Variants in IL1A observed in about 807,000 individuals in gnomAD.
IL1A encodes interleukin-1 alpha.
Under a neutral mutation model 22.2 loss-of-function variants are expected in IL1A, and 16 were observed. The ratio of observed to expected loss-of-function variants is 0.72; its 90% CI spans 0.49 to 1.09. IL1A has a LOEUF of 1.09. Ranked by LOEUF, IL1A falls within the 50% of genes least tolerant of loss-of-function variation. The pLI is 0.00. For synonymous variants in IL1A, 113 were observed against 118.5 expected (o/e 0.95, Z 0.30); for missense variants, 317 against 321.8 (o/e 0.99, Z 0.11).
rs1230482935 is a variant in IL1A, at chr2:112,775,083, A to G, written c.800T>C (p.Leu267Pro). 3 of 1,613,922 alleles carry G rather than the reference A, an allele frequency of 1.9e-6. No homozygotes were observed. Among genetic ancestry groups the G allele is most frequent in the African/African-American group, 2.7e-5 (2 of 74,938 alleles). Reference protein sequence around the residue: ...GPPSITDFQILENQA With the variant: ...GPPSITDFQIPENQA ...ACTCCAGACCTACGCCTGGTTTTCC[A>G]GTATCTGAAAGTCAGTGATAGAGGG... The change falls in exon 7 of 7, where the codon CTG becomes CCG. Residue 267 changes from leucine (L) to proline (P), a missense_variant. Leu to Pro is a moderately conservative substitution (Grantham distance 98). Transcript: ENST00000263339.
chr2:112,778,787 A>G (rs577074519), intron 5 of IL1A, among the ~76,000 whole-genome samples: 1 of 152,364 alleles, frequency 6.6e-6, no homozygotes, highest in African/African-American at 2.4e-5. Flanking sequence ...TTGCAGAAAT[A>G]ATATTAAGTA....
rs535701455 is a variant in IL1A at position 112,780,515 on chromosome 2, G to A, written c.320-849C>T. Among the ~76,000 whole-genome samples the A allele has an allele frequency of 2.6e-5, 4 of 152,338 alleles. No individual in the cohort carries two copies. The South Asian group carries it at 8.3e-4, about 32-fold the overall frequency. The stretch of plus-strand genomic sequence containing the variant: ...TTCATGTGGAGGCTTGTACAGTAAA[G>A]GGATGGAGGAGAAACCATGATTTTT... On this transcript the variant is annotated intron_variant, in intron 4 of 6. Coordinates refer to ENST00000263339, the MANE Select transcript of IL1A (RefSeq NM_000575.5).
chr2:112,776,290 C>A (rs1325390018), intron 6 of IL1A, among the ~76,000 whole-genome samples: 26 of 152,170 alleles, frequency 1.7e-4, no homozygotes. Flanking sequence ...CAAATGCAAG[C>A]TCTGCAAGCA....
chr2:112,782,960 T>A (rs1275185024), intron 2 of IL1A, among the ~76,000 whole-genome samples, 196 bp from the exon 3 acceptor site: 1 of 152,252 alleles, frequency 6.6e-6, no homozygotes, highest in Non-Finnish European at 1.5e-5. Context: ...TTAGTAGTCA[T>A]CAAGACAGGC....
chr2:112,784,104 A>G (rs1681260283), intron 1 of IL1A, among the ~76,000 whole-genome samples: 1 of 152,246 alleles, frequency 6.6e-6, no homozygotes, highest in Admixed American at 6.5e-5. Context: ...TGCCTTACAC[A>G]GAGGTAAGAG....
chr2:112,778,690 A>G (rs995890082), intron 5 of IL1A, among the ~76,000 whole-genome samples: 1 of 152,208 alleles, frequency 6.6e-6, no homozygotes, highest in Admixed American at 6.5e-5. Flanking sequence ...TTTAGAGTAA[A>G]CCCAAGGGAC....
Position 112,774,829 on chromosome 2 carries a change from T to A in IL1A, c.*238A>T, listed in dbSNP as rs1176924675. The A allele has an allele frequency of 4.9e-6, 2 of 408,080 alleles. No individual in the cohort carries two copies. The highest frequency in any genetic ancestry group is 9.0e-6 in the Non-Finnish European group (2 of 222,402). 25.3% of individuals were successfully genotyped at this position (408,080 alleles called of 1,614,324 possible). A position where few individuals can be genotyped will look rare whatever the true frequency, so the allele number is the denominator to read the frequency against. On this transcript the variant is annotated 3_prime_UTR_variant, in exon 7 of 7. Transcript: ENST00000263339. ...AGTAGCTCTGGTCCTCCTAAAATTGTTATGAAGAATAATAATTAAAATGAT... is the reference window on the plus strand; with the variant it reads ...AGTAGCTCTGGTCCTCCTAAAATTGATATGAAGAATAATAATTAAAATGAT...
At chr2:112,784,079 C>G (rs1352218110) in intron 1 of IL1A, among the ~76,000 whole-genome samples, 1 of 152,186 alleles carries the variant, frequency 6.6e-6, no homozygotes, top group East Asian at 1.9e-4. Flanking sequence ...AAAAACACCA[C>G]AAGAATAAGG....
At chr2:112,777,223 C>A (rs1027357222) in intron 6 of IL1A, among the ~76,000 whole-genome samples, 2 of 152,080 alleles carry the variant, frequency 1.3e-5, no homozygotes, top group Admixed American at 1.3e-4. Context: ...CCACTGTCCA[C>A]ACTGCTGTTG....
At chr2:112,778,466 C>T (rs567098807) in intron 5 of IL1A, among the ~76,000 whole-genome samples, 1 of 152,230 alleles carries the variant, frequency 6.6e-6, no homozygotes, top group South Asian at 2.1e-4. Context: ...TTCATAATGA[C>T]CTAACATGGA....
intron 6 of IL1A, among the ~76,000 whole-genome samples, chr2:112,777,084 CTCTA>C (rs1056608784): frequency 2.0e-5 from 3 of 150,208 alleles, no homozygotes; most frequent in Non-Finnish European, 2.9e-5. Flanking sequence ...TCCCACTTTT[CTCTA>C]TCTTAGCACC....
At chr2:112,779,762 A>C in intron 4 of IL1A, 96 bp from the exon 5 acceptor site, 1 of 766,958 alleles carries the variant, frequency 1.3e-6, no homozygotes, top group South Asian at 3.3e-5. Context: ...TCTGGAGGGG[A>C]TATTAGGAAT....
Position 112,782,404 on chromosome 2 carries a change from C to A in IL1A, c.96+312G>T, listed in dbSNP as rs1375574718. Among the ~76,000 whole-genome samples the A allele has an allele frequency of 3.9e-5, 6 of 152,226 alleles. 1 individual carries two copies. In the East Asian group the frequency reaches 1.2e-3, roughly 29 times the overall value. On this transcript the variant is annotated intron_variant, in intron 3 of 6. Coordinates refer to ENST00000263339, the MANE Select transcript of IL1A (RefSeq NM_000575.5). ...AACCACAACACATCACGTTAGGAGACAGACACCTGGTGAAGCGGCCTGCGG... is the reference window on the plus strand; with the variant it reads ...AACCACAACACATCACGTTAGGAGAAAGACACCTGGTGAAGCGGCCTGCGG...
rs934423072 is a variant in IL1A, at chr2:112,781,803, A to G, written c.120T>C (p.Tyr40=). 8.1e-6 allele frequency: 13 copies of G among 1,613,576 alleles called. No individual in the cohort carries two copies. The highest frequency in any genetic ancestry group is 3.3e-5 in the South Asian group (3 of 91,074). ...CCATGCAGCCTTCATGGAGTGGGCC[A>G]TAGCTTACATGATAGAAGGATTTCT... ...LNQKSFYHVS[Y]GPLHEGCMDQ... The change falls in exon 4 of 7, where the codon TAT becomes TAC. Residue 40 remains tyrosine, a synonymous_variant. Coordinates refer to ENST00000263339, the MANE Select transcript of IL1A (RefSeq NM_000575.5).
At chr2:112,777,856 G>A in intron 6 of IL1A, 131 bp downstream of exon 6, 3 of 833,230 alleles carry the variant, frequency 3.6e-6, no homozygotes, top group Non-Finnish European at 5.7e-6. Context: ...TGGGAGTGGG[G>A]TGGGCAGGTG....
At position 112,774,924 on chromosome 2, in the gene IL1A, C is replaced by T; in HGVS notation, c.*143G>A. On this transcript the variant is annotated 3_prime_UTR_variant, in exon 7 of 7. Coordinates refer to ENST00000263339, the MANE Select transcript of IL1A (RefSeq NM_000575.5). ...TATGTTAGTGTTGGTTCCACTCTTACAAAGAGTGTAAACATTCATTTAGAA... is the reference window on the plus strand; with the variant it reads ...TATGTTAGTGTTGGTTCCACTCTTATAAAGAGTGTAAACATTCATTTAGAA... 1 of 641,784 alleles carries T rather than the reference C, an allele frequency of 1.6e-6. No individual in the cohort carries two copies. The highest frequency in any genetic ancestry group is 2.8e-5 in the East Asian group (1 of 36,320). The allele number at this position is 641,784 out of a possible 1,614,324, so 39.8% of individuals were successfully genotyped here. A position where few individuals can be genotyped will look rare whatever the true frequency, so the allele number is the denominator to read the frequency against.
chr2:112,776,965 T>A (rs1324889044), intron 6 of IL1A, among the ~76,000 whole-genome samples: 1 of 134,072 alleles, frequency 7.5e-6, no homozygotes, highest in East Asian at 2.3e-4. Flanking sequence ...ACCCGCCCCC[T>A]CCTCTGAATG....
chr2:112,783,882 G>T, intron 1 of IL1A, 104 bp from the exon 2 acceptor site: 1 of 947,978 alleles, frequency 1.1e-6, no homozygotes, highest in South Asian at 1.3e-5. Flanking sequence ...TTTGTTGAAT[G>T]ACTTAGTCCA....
At chr2:112,782,410 C>A (rs1024897260) in intron 3 of IL1A, among the ~76,000 whole-genome samples, 3 of 152,356 alleles carry the variant, frequency 2.0e-5, no homozygotes, top group African/African-American at 7.2e-5. Flanking sequence ...GAGACAGACA[C>A]CTGGTGAAGC....
Sources: allele counts gnomAD v4.1 joint callset (sites outside exome capture counted in the v4.1 genomes callset), GRCh38; gene constraint gnomAD v4.1.1; transcripts MANE v1.5; gene names NCBI Gene and HGNC (gene_info 2026-07-23, HGNC 2026-07-21).